ZMAT4: variants seen among roughly 807,000 people sequenced by gnomAD.
The protein encoded by ZMAT4 is zinc finger matrin-type 4, also known as zinc finger matrin-type protein 4.
ZMAT4 carries 17 observed loss-of-function variants against 28.7 expected under a neutral mutation model. That is an observed-to-expected ratio of 0.59 (90% CI 0.41 to 0.89). ZMAT4 has a LOEUF of 0.89. ZMAT4 is among the 40% of genes least tolerant of loss of function. The pLI is 0.00. For synonymous variants in ZMAT4, 117 were observed against 109.2 expected (o/e 1.07, Z -0.44); for missense variants, 240 against 283.8 (o/e 0.85, Z 1.11).
chr8:40,797,331 T>C (rs1814643349), intron 2 of ZMAT4, among the ~76,000 whole-genome samples: 1 of 152,186 alleles, frequency 6.6e-6, no homozygotes, highest in African/African-American at 2.4e-5. Flanking sequence ...CATTAATCTC[T>C]GGCCTCAAGG....
intron 3 of ZMAT4, among the ~76,000 whole-genome samples, chr8:40,700,921 C>G (rs1421819214): frequency 6.6e-6 from 1 of 152,196 alleles, no homozygotes. Flanking sequence ...GAGCCAGCAC[C>G]TAGCACCACA....
At chr8:40,542,060 G>A (rs564570663) in intron 6 of ZMAT4, among the ~76,000 whole-genome samples, 3 of 152,184 alleles carry the variant, frequency 2.0e-5, no homozygotes, top group African/African-American at 7.2e-5. Context: ...TGTTTTGTTG[G>A]GGGGAGGAAT....
rs1206676376 is a variant in ZMAT4, at chr8:40,825,670, A to T, written c.7T>A (p.Ser3Thr). The T allele has an allele frequency of 7.7e-6, 12 of 1,553,416 alleles. No homozygotes were observed. In the South Asian group the frequency reaches 1.4e-4, roughly 18 times the overall value. Residue 3 changes from serine to threonine, a missense_variant, in exon 2 of 7, where the codon TCC becomes ACC. Coordinates refer to ENST00000297737, the MANE Select transcript of ZMAT4 (RefSeq NM_024645.3). MK[S>T]SDIDQDLFTD... ...AATAAATCCTGATCAATATCGGAGG[A>T]CTTCATCAGGCTACAAGAGAATCAA... is the stretch of plus-strand genomic sequence containing the variant.
chr8:40,617,773 T>C (rs1044950796), intron 5 of ZMAT4, among the ~76,000 whole-genome samples: 2 of 152,176 alleles, frequency 1.3e-5, no homozygotes, highest in Non-Finnish European at 2.9e-5. Flanking sequence ...TAACAAAAGA[T>C]GATAGCATTT....
chr8:40,581,385 C>T, intron 5 of ZMAT4, 124 bp from the exon 6 acceptor site: 1 of 676,396 alleles, frequency 1.5e-6, no homozygotes, highest in Non-Finnish European at 2.6e-6. Context: ...CCCACCAACA[C>T]TTCAACCCTT....
At chr8:40,743,090 C>A (rs779440276) in intron 3 of ZMAT4, among the ~76,000 whole-genome samples, 5 of 151,860 alleles carry the variant, frequency 3.3e-5, no homozygotes, top group Non-Finnish European at 7.4e-5. Context: ...TGGTGGCAGG[C>A]ACCTATAATC....
chr8:40,808,454 A>T (rs1481327224), intron 2 of ZMAT4: 3 of 417,062 alleles, frequency 7.2e-6, no homozygotes, highest in African/African-American at 4.2e-5. Context: ...TTGGCAATAA[A>T]TGTTAACATC....
chr8:40,552,993 C>T (rs1031794323), intron 6 of ZMAT4, among the ~76,000 whole-genome samples: 4 of 152,106 alleles, frequency 2.6e-5, no homozygotes, highest in Non-Finnish European at 4.4e-5. Context: ...TCAAGGTCAT[C>T]GCCAAGGACT....
chr8:40,803,416 A>T (rs1483546635), intron 2 of ZMAT4, among the ~76,000 whole-genome samples: 3 of 152,176 alleles, frequency 2.0e-5, no homozygotes, highest in African/African-American at 7.2e-5. Context: ...CAACCCCACT[A>T]AAAAATGGGC....
At chr8:40,668,278 T>C (rs1808517168) in intron 5 of ZMAT4, among the ~76,000 whole-genome samples, 2 of 151,954 alleles carry the variant, frequency 1.3e-5, no homozygotes, top group Admixed American at 6.6e-5. Flanking sequence ...GGAACCAGCC[T>C]GGCCAACATT....
At chr8:40,607,935 AG>A (rs2118644068) in intron 5 of ZMAT4, among the ~76,000 whole-genome samples, 1 of 151,942 alleles carries the variant, frequency 6.6e-6, no homozygotes, top group South Asian at 2.1e-4. Context: ...TGGAGGCAGC[AG>A]GGGAGTGAAG....
Position 40,750,631 on chromosome 8 carries a change from A to G in ZMAT4, c.192+17010T>C, listed in dbSNP as rs74463592. On this transcript the variant is annotated intron_variant, in intron 3 of 6. Coordinates refer to ENST00000297737, the MANE Select transcript of ZMAT4 (RefSeq NM_024645.3). ...TTGTGGGACTCTAGCATGTTAACCA[A>G]AGAAATCCATCTATCAGGGGAAAAA... is the stretch of plus-strand genomic sequence containing the variant. Among the ~76,000 whole-genome samples, 2,311 of 152,350 alleles carry G rather than the reference A, an allele frequency of 0.015. 113 individuals are homozygous for G. The East Asian group carries it at 0.18, about 12-fold the overall frequency.
At chr8:40,891,770 G>T (rs1818698901) in intron 1 of ZMAT4, among the ~76,000 whole-genome samples, 1 of 152,218 alleles carries the variant, frequency 6.6e-6, no homozygotes, top group East Asian at 1.9e-4. Context: ...GCCAGCCAGG[G>T]GCATGGAAGG....
At chr8:40,793,614 C>T (rs935793697) in intron 2 of ZMAT4, among the ~76,000 whole-genome samples, 4 of 152,108 alleles carry the variant, frequency 2.6e-5, no homozygotes, top group African/African-American at 7.2e-5. Flanking sequence ...CAAGTCATGC[C>T]GAAAAGTCCA....
rs59201544 is a variant in ZMAT4, at chr8:40,890,838, T to C, written c.-5+6845A>G. Among the ~76,000 whole-genome samples the C allele has an allele frequency of 2.5e-3, 379 of 151,992 alleles. 2 individuals are homozygous for C. Among genetic ancestry groups the C allele is most frequent in the African/African-American group, 8.6e-3 (358 of 41,488 alleles). The stretch of plus-strand genomic sequence containing the variant: ...AATCATGCGCTGGATGGAGTTTTGC[T>C]ACCGTGGCTCCCTCTTTCTTACCCT... On this transcript the variant is annotated intron_variant, in intron 1 of 6. Coordinates refer to ENST00000297737, the MANE Select transcript of ZMAT4 (RefSeq NM_024645.3).
chr8:40,772,478 C>T (rs1813423608), intron 2 of ZMAT4, among the ~76,000 whole-genome samples: 1 of 152,134 alleles, frequency 6.6e-6, no homozygotes, highest in Non-Finnish European at 1.5e-5. Context: ...TCACACATGC[C>T]TCAAAAAAAT....
At chr8:40,784,553 G>C (rs1372413801) in intron 2 of ZMAT4, among the ~76,000 whole-genome samples, 1 of 152,166 alleles carries the variant, frequency 6.6e-6, no homozygotes, top group Non-Finnish European at 1.5e-5. Flanking sequence ...TATAGCACTG[G>C]AGTTCCCTGC....
At chr8:40,592,155 C>T (rs1804914156) in intron 5 of ZMAT4, among the ~76,000 whole-genome samples, 1 of 152,274 alleles carries the variant, frequency 6.6e-6, no homozygotes, top group African/African-American at 2.4e-5. Context: ...AAGCACAGCT[C>T]TTAGGGTGTC....
chr8:40,841,550 C>T (rs1283280464), intron 1 of ZMAT4, among the ~76,000 whole-genome samples: 1 of 152,186 alleles, frequency 6.6e-6, no homozygotes, highest in Admixed American at 6.5e-5. Context: ...CCCCAGGCTC[C>T]CAGGCTCCCT....
Sources: gnomAD v4.1 joint callset for allele counts (sites outside exome capture counted in the v4.1 genomes callset) on GRCh38, gnomAD v4.1.1 for gene constraint, MANE v1.5 for transcripts, NCBI Gene and HGNC (gene_info 2026-07-23, HGNC 2026-07-21) for gene names.